Variants in TMEM26 observed in about 807,000 individuals in gnomAD.
TMEM26 encodes transmembrane protein 26.
TMEM26 carries 38 observed loss-of-function variants against 28.8 expected under a neutral mutation model. The observed-to-expected ratio is 1.32, with a 90% CI of 1.02 to 1.73. The LOEUF (loss-of-function observed/expected upper bound fraction) is 1.73. Among genes scored for constraint, TMEM26 ranks in the 40% most tolerant of loss-of-function variants. The pLI is 0.00. For synonymous variants in TMEM26, 227 were observed against 182.9 expected, an observed-to-expected ratio of 1.24 and a Z score of -1.95; for missense variants, 518 against 447.1, an observed-to-expected ratio of 1.16 and a Z score of -1.43.
At position 61,410,109 on chromosome 10, in the gene TMEM26, A is replaced by T. The variant is rs901303476; in HGVS notation, c.*213T>A. 1 of 585,842 alleles carries T rather than the reference A, an allele frequency of 1.7e-6. No individual in the cohort carries two copies. The highest frequency in any genetic ancestry group is 1.9e-5 in the African/African-American group (1 of 53,800). The allele number at this position is 585,842 out of a possible 1,614,324, so 36.3% of individuals were successfully genotyped here. A position where few individuals can be genotyped will look rare whatever the true frequency, so the allele number is the denominator to read the frequency against. On this transcript the variant is annotated 3_prime_UTR_variant, in exon 6 of 6. Coordinates refer to ENST00000399298, the MANE Select transcript of TMEM26 (RefSeq NM_178505.8). ...AGTCGTTGAACAACTATAACATCTG[A>T]TACCATCACACAGAAGTTGTAGCAA...
chr10:61,419,260 T>C (rs1460917095), intron 4 of TMEM26, among the ~76,000 whole-genome samples: 1 of 151,892 alleles, frequency 6.6e-6, no homozygotes, highest in Non-Finnish European at 1.5e-5. Context: ...ATGTGATATA[T>C]AAAAGAAAAA....
chr10:61,429,957 C>T (rs1391960342), intron 3 of TMEM26, among the ~76,000 whole-genome samples: 4 of 152,020 alleles, frequency 2.6e-5, no homozygotes, highest in African/African-American at 9.7e-5. Context: ...TTCATTTACC[C>T]CTCTCCATCA....
At chr10:61,414,041 A>G (rs1839611704) in intron 4 of TMEM26, 2 of 987,060 alleles carry the variant, frequency 2.0e-6, no homozygotes, top group East Asian at 1.1e-4. Context: ...TAAATCCAAT[A>G]AACAAAGATT....
intron 4 of TMEM26, among the ~76,000 whole-genome samples, chr10:61,425,345 T>C (rs1353141913): frequency 1.3e-5 from 2 of 152,126 alleles, no homozygotes; most frequent in African/African-American, 4.8e-5. Flanking sequence ...AGCCAAACCA[T>C]ATCAATAAGA....
At chr10:61,418,713 C>A (rs1839694135) in intron 4 of TMEM26, among the ~76,000 whole-genome samples, 1 of 152,062 alleles carries the variant, frequency 6.6e-6, no homozygotes. Flanking sequence ...TAGCTTGCTA[C>A]TTTGAGACTG....
Position 61,408,070 on chromosome 10 carries a change from C to T in TMEM26, c.*2252G>A, listed in dbSNP as rs746098587. 3.9e-5 allele frequency: 6 copies of T among 152,032 alleles called. No homozygotes were observed. Among genetic ancestry groups the T allele is most frequent in the Admixed American group, 6.6e-5 (1 of 15,256 alleles). 9.4% of individuals were successfully genotyped at this position (152,032 alleles called of 1,614,324 possible). On this transcript the variant is annotated 3_prime_UTR_variant, in exon 6 of 6. Coordinates refer to ENST00000399298, the MANE Select transcript of TMEM26 (RefSeq NM_178505.8). ...TTTATTCAAATAAACTAAGCAAATG[C>T]ATATTTTTTTTTCCTATTATAAAAG...
Position 61,407,025 on chromosome 10 carries a change from C to T in TMEM26, c.*3297G>A, listed in dbSNP as rs1839505728. The T allele has an allele frequency of 2.0e-5, 3 of 151,760 alleles. No homozygotes were observed. The highest frequency in any genetic ancestry group is 1.9e-4 in the East Asian group (1 of 5,172). 9.4% of individuals were successfully genotyped at this position (151,760 alleles called of 1,614,324 possible). A position where few individuals can be genotyped will look rare whatever the true frequency, so the allele number is the denominator to read the frequency against. On this transcript the variant is annotated 3_prime_UTR_variant, in exon 6 of 6. Transcript: ENST00000399298. ...TCAAGACTGTTTGGTGTTTCATTTG[C>T]GTCTCTGTAGTATACGTCACCATCC...
In TMEM26 at chr10:61,453,040, C is replaced by A. The variant is rs769458017; in HGVS notation, c.42G>T (p.Leu14Phe). The change falls in exon 1 of 6, where the codon TTG (leucine) becomes TTT (phenylalanine). Residue 14 changes from leucine to phenylalanine, a missense_variant. Leu to Phe is a conservative substitution (Grantham distance 22, BLOSUM62 0). Transcript: ENST00000399298. ...CGACCAGCGAGTGCAGCAGGAACAG[C>A]AACCGAGTGGCCAGGGCGTTAAGGA... ...LVFLNALATRLLFLLHSLVGV... is the reference protein window; with the variant it reads ...LVFLNALATRFLFLLHSLVGV... The A allele has an allele frequency of 1.9e-6, 3 of 1,613,820 alleles. No individual in the cohort carries two copies. The highest frequency in any genetic ancestry group is 2.5e-6 in the Non-Finnish European group (3 of 1,180,026).
intron 4 of TMEM26, chr10:61,413,755 G>A: frequency 8.2e-7 from 1 of 1,217,914 alleles, no homozygotes; most frequent in Non-Finnish European, 1.0e-6. Flanking sequence ...ACATATGCAT[G>A]AATTATGACA....
At chr10:61,428,291 T>C (rs1203771259) in intron 4 of TMEM26, among the ~76,000 whole-genome samples, 1 of 152,166 alleles carries the variant, frequency 6.6e-6, no homozygotes, top group Non-Finnish European at 1.5e-5. Context: ...TCATGGATTC[T>C]GAGTTTATTT....
At chr10:61,430,175 G>C (rs948564364) in intron 3 of TMEM26, among the ~76,000 whole-genome samples, 1 of 152,024 alleles carries the variant, frequency 6.6e-6, no homozygotes. Flanking sequence ...GAAAAACTGA[G>C]AGAGAAACTA....
chr10:61,450,500 T>C (rs1000111906), intron 1 of TMEM26, among the ~76,000 whole-genome samples: 28 of 152,186 alleles, frequency 1.8e-4, no homozygotes, highest in African/African-American at 5.5e-4. Context: ...GTGTGGGCTT[T>C]TTCCACCACA....
chr10:61,420,651 T>C (rs1432276381), intron 4 of TMEM26, among the ~76,000 whole-genome samples: 1 of 151,876 alleles, frequency 6.6e-6, no homozygotes, highest in African/African-American at 2.4e-5. Context: ...ATGAAAAACC[T>C]GTCAACCAAT....
rs760584758 is a variant in TMEM26, at chr10:61,410,697, G to T, written c.732C>A (p.Ser244Arg). 1.9e-6 allele frequency: 3 copies of T among 1,614,112 alleles called. No individual in the cohort carries two copies. The highest frequency in any genetic ancestry group is 2.2e-5 in the East Asian group (1 of 44,872). Residue 244 changes from serine to arginine, a missense_variant, in exon 6 of 6, where the codon AGC (serine) becomes AGA (arginine). Ser to Arg is a moderately radical substitution (Grantham distance 110, BLOSUM62 -1). Coordinates refer to ENST00000399298, the MANE Select transcript of TMEM26 (RefSeq NM_178505.8). ...PVSVTERGFPSLFFCQYSADL... is the reference protein window; with the variant it reads ...PVSVTERGFPRLFFCQYSADL... Reference sequence around the variant, plus strand: ...CGGCACTGTACTGGCAAAAGAACAGGCTGGGGAATCCCCTCTCTGTCACAG... The same window carrying T: ...CGGCACTGTACTGGCAAAAGAACAGTCTGGGGAATCCCCTCTCTGTCACAG...
chr10:61,453,005 C>T lies in TMEM26; in HGVS notation c.77G>A (p.Arg26Gln). The T allele has an allele frequency of 6.2e-7, 1 of 1,613,996 alleles. No homozygotes were observed. The highest frequency in any genetic ancestry group is 8.5e-7 in the Non-Finnish European group (1 of 1,180,024). Residue 26 changes from arginine to glutamine, a missense_variant, in exon 1 of 6, where the codon CGA (arginine) becomes CAA (glutamine). Coordinates refer to ENST00000399298, the MANE Select transcript of TMEM26 (RefSeq NM_178505.8). Reference protein sequence around the residue: ...FLLHSLVGVWRVTEVKKEPRY... With the variant: ...FLLHSLVGVWQVTEVKKEPRY... ...CGGCTCCTTCTTCACCTCGGTCACTCGCCAGACCCCGACCAGCGAGTGCAG... is the reference window on the plus strand; with the variant it reads ...CGGCTCCTTCTTCACCTCGGTCACTTGCCAGACCCCGACCAGCGAGTGCAG...
At chr10:61,452,276 T>C (rs1000906026) in intron 1 of TMEM26, among the ~76,000 whole-genome samples, 2 of 152,190 alleles carry the variant, frequency 1.3e-5, no homozygotes, top group Non-Finnish European at 2.9e-5. Context: ...CCTTGCAAGA[T>C]AGGCAGGCCG....
chr10:61,436,344 T>G, intron 1 of TMEM26, 96 bp from the exon 2 acceptor site: 1 of 670,996 alleles, frequency 1.5e-6, no homozygotes, highest in Non-Finnish European at 2.5e-6. Context: ...ATGCACATAC[T>G]CCGACCACAT....
chr10:61,443,265 A>G (rs1840125239), intron 1 of TMEM26, among the ~76,000 whole-genome samples: 1 of 151,396 alleles, frequency 6.6e-6, no homozygotes. Context: ...ATCCTGGCTA[A>G]CACGGTGAAA....
chr10:61,421,434 A>G (rs1831678699), intron 4 of TMEM26, among the ~76,000 whole-genome samples: 1 of 152,132 alleles, frequency 6.6e-6, no homozygotes, highest in Admixed American at 6.6e-5. Flanking sequence ...TTAAAATTCC[A>G]TGTCTACCCA....
Sources: gnomAD v4.1 joint callset for allele counts (sites outside exome capture counted in the v4.1 genomes callset) on GRCh38, gnomAD v4.1.1 for gene constraint, MANE v1.5 for transcripts, NCBI Gene and HGNC (gene_info 2026-07-23, HGNC 2026-07-21) for gene names.